Variants in CTNNA3 observed in about 807,000 individuals in gnomAD.
The protein encoded by CTNNA3 is catenin alpha 3.
CTNNA3 carries 76 observed loss-of-function variants against 95.7 expected under a neutral mutation model. The observed-to-expected ratio is 0.79, with a 90% CI of 0.66 to 0.96. The LOEUF (loss-of-function observed/expected upper bound fraction) is 0.96. Among genes scored for constraint, CTNNA3 ranks in the 40% least tolerant of loss-of-function variants. The probability of loss-of-function intolerance (pLI) is 0.00; values close to 1 mark genes in which losing one functional copy is unlikely to be tolerated. For missense variants in CTNNA3, 1,191 were observed against 1,089.8 expected (o/e 1.09, Z -1.31); for synonymous variants, 431 against 374.4 (o/e 1.15, Z -1.74).
intron 9 of CTNNA3, among the ~76,000 whole-genome samples, chr10:66,629,390 C>T (rs1238943687): frequency 6.6e-6 from 1 of 152,050 alleles, no homozygotes; most frequent in Admixed American, 6.6e-5. Context: ...TCAGTAATAT[C>T]TCAAATCATG....
chr10:67,147,843 TG>T (rs1414361140), intron 7 of CTNNA3, among the ~76,000 whole-genome samples: 15 of 152,220 alleles, frequency 9.9e-5, no homozygotes, highest in Admixed American at 9.8e-4. Context: ...ATATTGAAGC[TG>T]TATAGATTGA....
intron 2 of CTNNA3, among the ~76,000 whole-genome samples, chr10:67,615,985 C>T (rs1435541911): frequency 2.6e-5 from 4 of 151,806 alleles, no homozygotes; most frequent in Non-Finnish European, 5.9e-5. Flanking sequence ...TTGACAGATG[C>T]TATGAGGAAA....
intron 13 of CTNNA3, among the ~76,000 whole-genome samples, chr10:66,193,593 A>G (rs1243824776): frequency 6.6e-6 from 1 of 152,192 alleles, no homozygotes; most frequent in Non-Finnish European, 1.5e-5. Context: ...AAAATAAGCA[A>G]TTTTGTCTAA....
intron 11 of CTNNA3, among the ~76,000 whole-genome samples, chr10:66,511,482 T>TTA (rs1554808877): frequency 1.3e-5 from 2 of 151,346 alleles, no homozygotes; most frequent in African/African-American, 4.8e-5. Flanking sequence ...CTTTTTTTTT[T>TTA]TATATAGGTG....
chr10:67,347,551 T>G (rs919525006), intron 5 of CTNNA3, among the ~76,000 whole-genome samples: 1 of 152,186 alleles, frequency 6.6e-6, no homozygotes, highest in African/African-American at 2.4e-5. Context: ...TGTTGATGAA[T>G]GAAACAAACT....
At chr10:66,148,843 A>C (rs2084035876) in intron 13 of CTNNA3, among the ~76,000 whole-genome samples, 1 of 152,140 alleles carries the variant, frequency 6.6e-6, no homozygotes, top group African/African-American at 2.4e-5. Context: ...TTTTAAAACT[A>C]AATATATATT....
chr10:67,232,335 G>A (rs1333338414), intron 5 of CTNNA3, among the ~76,000 whole-genome samples: 1 of 152,074 alleles, frequency 6.6e-6, no homozygotes, highest in African/African-American at 2.4e-5. Context: ...CTACAAGCCA[G>A]AAGAGAGTGG....
At chr10:66,554,683 T>G (rs1842337395) in intron 10 of CTNNA3, among the ~76,000 whole-genome samples, 1 of 152,154 alleles carries the variant, frequency 6.6e-6, no homozygotes, top group African/African-American at 2.4e-5. Context: ...GGATTTCTAT[T>G]TGGTCCTTTT....
At chr10:66,179,761 A>G (rs1380667682) in intron 13 of CTNNA3, among the ~76,000 whole-genome samples, 1 of 152,122 alleles carries the variant, frequency 6.6e-6, no homozygotes, top group African/African-American at 2.4e-5. Flanking sequence ...AAGACAAAAT[A>G]TAATATGCTT....
intron 12 of CTNNA3, among the ~76,000 whole-genome samples, chr10:66,332,655 C>T (rs1304204928): frequency 3.3e-5 from 5 of 151,926 alleles, no homozygotes; most frequent in Non-Finnish European, 5.9e-5. Context: ...ATTTTTGCAT[C>T]GATGTTCATC....
chr10:66,433,859 A>T (rs942808605), intron 11 of CTNNA3, among the ~76,000 whole-genome samples: 7 of 152,210 alleles, frequency 4.6e-5, no homozygotes, highest in Non-Finnish European at 7.3e-5. Flanking sequence ...TTTTCTGCAC[A>T]TGGCTAGCCA....
chr10:66,277,171 CT>C (rs1589020255), intron 13 of CTNNA3, among the ~76,000 whole-genome samples: 2 of 151,994 alleles, frequency 1.3e-5, no homozygotes, highest in Admixed American at 6.6e-5. Context: ...TAAACAACTG[CT>C]AGCATAATTA....
intron 7 of CTNNA3, among the ~76,000 whole-genome samples, chr10:66,837,963 C>A (rs1842935245): frequency 6.6e-6 from 1 of 152,092 alleles, no homozygotes; most frequent in Non-Finnish European, 1.5e-5. Flanking sequence ...TTCCTCCTTT[C>A]TCTCATTTCA....
At chr10:67,080,984 A>C (rs537501186) in intron 7 of CTNNA3, among the ~76,000 whole-genome samples, 1 of 152,136 alleles carries the variant, frequency 6.6e-6, no homozygotes, top group African/African-American at 2.4e-5. Flanking sequence ...CTAAAGCTAA[A>C]CAATAAATCA....
At chr10:66,921,034 C>G (rs1846758842) in intron 7 of CTNNA3, among the ~76,000 whole-genome samples, 1 of 152,172 alleles carries the variant, frequency 6.6e-6, no homozygotes, top group African/African-American at 2.4e-5. Context: ...AACAAAAATA[C>G]TATATCCTGG....
chr10:66,673,708 A>T (rs984407719), intron 9 of CTNNA3, among the ~76,000 whole-genome samples: 4 of 152,086 alleles, frequency 2.6e-5, no homozygotes, highest in African/African-American at 7.2e-5. Flanking sequence ...GGCAATGAAG[A>T]TTAGATATGG....
At chr10:66,973,117 A>T (rs1849819235) in intron 7 of CTNNA3, among the ~76,000 whole-genome samples, 1 of 152,216 alleles carries the variant, frequency 6.6e-6, no homozygotes, top group Non-Finnish European at 1.5e-5. Flanking sequence ...GCTAAGATCA[A>T]ATGAACAGTT....
At chr10:66,376,899 G>A (rs545692766) in intron 12 of CTNNA3, among the ~76,000 whole-genome samples, 1 of 152,244 alleles carries the variant, frequency 6.6e-6, no homozygotes, top group Admixed American at 6.5e-5. Context: ...CGCAAACAAC[G>A]ATGAACATCT....
At chr10:66,928,053 G>A (rs1215632805) in intron 7 of CTNNA3, 3 of 1,613,934 alleles carry the variant, frequency 1.9e-6, no homozygotes, top group Non-Finnish European at 1.7e-6. Context: ...CAAAGCCGAC[G>A]TTTAAGCCCA....
Sources: allele counts gnomAD v4.1 joint callset (sites outside exome capture counted in the v4.1 genomes callset), GRCh38; gene constraint gnomAD v4.1.1; transcripts MANE v1.5; gene names NCBI Gene and HGNC (gene_info 2026-07-23, HGNC 2026-07-21).